COG7: variants seen among roughly 807,000 people sequenced by gnomAD.
COG7 encodes conserved oligomeric Golgi complex subunit 7.
A neutral mutation model predicts 91.5 loss-of-function variants in COG7; 49 were observed. The observed-to-expected ratio is 0.54, with a 90% CI of 0.43 to 0.68. The LOEUF is 0.68. Ranked by LOEUF, COG7 falls within the 30% of genes least tolerant of loss-of-function variation. The pLI, the probability that COG7 is intolerant of heterozygous loss-of-function variation, is 0.00. For synonymous variants in COG7, 365 were observed against 388.7 expected (o/e 0.94, Z 0.72); for missense variants, 895 against 961.3 (o/e 0.93, Z 0.91).
intron 6 of COG7, among the ~76,000 whole-genome samples, chr16:23,426,818 CAAAAAAAAAA>C (rs1176659874): frequency 1.7e-5 from 1 of 60,354 alleles, no homozygotes; most frequent in Non-Finnish European, 3.3e-5. Flanking sequence ...AGCAATTGGA[CAAAAAAAAAA>C]AAAAAAAAAG....
At chr16:23,434,601 C>G in intron 5 of COG7, 35 bp downstream of exon 5, 2 of 1,478,986 alleles carry the variant, frequency 1.4e-6, no homozygotes, top group Non-Finnish European at 1.9e-6. Context: ...GAGCATTCCA[C>G]AACTGCACAA....
At chr16:23,403,154 C>T (rs1425498779) in intron 13 of COG7, among the ~76,000 whole-genome samples, 1 of 152,006 alleles carries the variant, frequency 6.6e-6, no homozygotes, top group Non-Finnish European at 1.5e-5. Context: ...ATTCGGACAA[C>T]CAGAAAAGAG....
At chr16:23,410,159 A>T in intron 11 of COG7, 136 bp downstream of exon 11, 1 of 725,778 alleles carries the variant, frequency 1.4e-6, no homozygotes, top group South Asian at 1.5e-5. Flanking sequence ...GACACGCTGT[A>T]TCTAGGTACA....
intron 9 of COG7, 23 bp downstream of exon 9, chr16:23,416,944 G>A (rs777538669): frequency 6.2e-7 from 1 of 1,614,048 alleles, no homozygotes; most frequent in African/African-American, 1.3e-5. Flanking sequence ...TGGCCCGTCT[G>A]GTCCCCAGTT....
intron 4 of COG7, among the ~76,000 whole-genome samples, chr16:23,437,235 C>A (rs1296858346): frequency 6.6e-6 from 1 of 152,152 alleles, no homozygotes; most frequent in East Asian, 1.9e-4. Flanking sequence ...TGCTGAACCA[C>A]CAGGCATCAC....
intron 16 of COG7, among the ~76,000 whole-genome samples, chr16:23,390,508 C>T (rs576547694): frequency 3.3e-5 from 5 of 151,516 alleles, no homozygotes; most frequent in Non-Finnish European, 4.4e-5. Flanking sequence ...TCAGTGCCCC[C>T]CCACCGGCTA....
chr16:23,449,737 T>C lies in COG7; in HGVS notation c.169+3089A>G, dbSNP rs971639960. ...TCGCACTCCATCCTGGGCAACAAGA[T>C]TGAAACTCCATCTCAAAAAAAAAAA... On this transcript the variant is annotated intron_variant, in intron 1 of 16. Coordinates refer to ENST00000307149, the MANE Select transcript of COG7 (RefSeq NM_153603.4). Among the ~76,000 whole-genome samples, 5 of 149,290 alleles carry C rather than the reference T, an allele frequency of 3.3e-5. 1 individual carries two copies.
chr16:23,396,197 C>T lies in COG7; in HGVS notation c.1887+1849G>A, dbSNP rs1021269980. Among the ~76,000 whole-genome samples the T allele has an allele frequency of 5.3e-5, 8 of 152,158 alleles. No homozygotes were observed. The East Asian group carries it at 1.3e-3, about 26-fold the overall frequency. On this transcript the variant is annotated intron_variant, in intron 14 of 16. Coordinates refer to ENST00000307149, the MANE Select transcript of COG7 (RefSeq NM_153603.4). ...TTCCTGGGTTCAGGTCATCAGCCTC[C>T]GTACAGCTCAGGAGGACAGCAGCAG...
rs111748027 is a variant in COG7 at position 23,408,080 on chromosome 16, G to A, written c.1476-1818C>T. On this transcript the variant is annotated intron_variant, in intron 11 of 16. Transcript: ENST00000307149. ...GTGGCACAGTGGGAAGGGAGGTAGG[G>A]GTGAGTAAAGTGGGAGACAGAGGTG... is the stretch of plus-strand genomic sequence containing the variant. Among the ~76,000 whole-genome samples the A allele has an allele frequency of 9.5e-3, 1,170 of 123,304 alleles. 20 individuals carry two copies. Among genetic ancestry groups the A allele is most frequent in the Middle Eastern group, 0.064 (17 of 264 alleles). 80.9% of individuals were successfully genotyped at this position (123,304 alleles called of 152,430 possible).
intron 6 of COG7, among the ~76,000 whole-genome samples, chr16:23,430,391 C>T (rs891281572): frequency 2.0e-5 from 3 of 150,216 alleles, no homozygotes; most frequent in Non-Finnish European, 4.4e-5. Context: ...ATCATGCCAC[C>T]GTACTCCAGT....
chr16:23,410,738 C>T (rs1392354354), intron 10 of COG7, among the ~76,000 whole-genome samples: 1 of 152,178 alleles, frequency 6.6e-6, no homozygotes, highest in Admixed American at 6.5e-5. Context: ...CTAAGTCTCG[C>T]TCTGTCACCC....
Position 23,392,359 on chromosome 16 carries a change from G to T in COG7, c.2146+21C>A, listed in dbSNP as rs776217196. ...GCAGGCAAGAGCTGTCCCTCCCACC[G>T]CCTGTCTTGTGGGGACCCACCGATG... is the stretch of plus-strand genomic sequence containing the variant. On this transcript the variant is annotated intron_variant, in intron 16 of 16. Coordinates refer to ENST00000307149, the MANE Select transcript of COG7 (RefSeq NM_153603.4). The T allele has an allele frequency of 6.8e-6, 11 of 1,613,828 alleles. No individual in the cohort carries two copies. In the East Asian group the frequency reaches 2.5e-4, roughly 36 times the overall value.
chr16:23,409,878 C>A (rs896519086), intron 11 of COG7, among the ~76,000 whole-genome samples: 1 of 152,156 alleles, frequency 6.6e-6, no homozygotes, highest in African/African-American at 2.4e-5. Flanking sequence ...AGGCAGGCTG[C>A]CTAAGTTCAC....
chr16:23,405,324 T>C (rs935906375), intron 12 of COG7, among the ~76,000 whole-genome samples: 2 of 152,074 alleles, frequency 1.3e-5, no homozygotes, highest in Non-Finnish European at 2.9e-5. Context: ...CCTCCTGGTA[T>C]CCTGGGTTGG....
In COG7 at chr16:23,409,065, G is replaced by A. The variant is rs28587587; in HGVS notation, c.1475+1230C>T. On this transcript the variant is annotated intron_variant, in intron 11 of 16. Transcript: ENST00000307149. The stretch of plus-strand genomic sequence containing the variant: ...CTGGAAGGCTGCACAGTGTGCATGC[G>A]TGTGTGTGTGTGTGTGTGTGTGTGC... 4.6e-3 allele frequency among the ~76,000 whole-genome samples: 548 copies of A among 117,942 alleles called. 1 individual carries two copies. The highest frequency in any genetic ancestry group is 6.4e-3 in the Non-Finnish European group (380 of 59,080). 77.4% of individuals were successfully genotyped at this position (117,942 alleles called of 152,430 possible).
At chr16:23,437,128 C>G (rs754271469) in intron 4 of COG7, among the ~76,000 whole-genome samples, 1 of 152,134 alleles carries the variant, frequency 6.6e-6, no homozygotes, top group Non-Finnish European at 1.5e-5. Context: ...GCGCCATTTT[C>G]GCCTTCTGAA....
chr16:23,449,435 A>C (rs936035699), intron 1 of COG7, among the ~76,000 whole-genome samples: 1 of 146,334 alleles, frequency 6.8e-6, no homozygotes, highest in Non-Finnish European at 1.5e-5. Flanking sequence ...ATAAAAAATA[A>C]ATAAAATAAA....
chr16:23,448,125 C>A (rs1418592735), intron 1 of COG7, among the ~76,000 whole-genome samples: 3 of 152,026 alleles, frequency 2.0e-5, no homozygotes, highest in Non-Finnish European at 4.4e-5. Context: ...CCTTCCTCAT[C>A]GCAGACTTGG....
intron 7 of COG7, among the ~76,000 whole-genome samples, chr16:23,423,163 C>T (rs1200507821): frequency 3.3e-5 from 5 of 149,904 alleles, no homozygotes; most frequent in South Asian, 4.2e-4. Context: ...GTCATGAGTT[C>T]GAGACCAGCC....
Sources: allele counts gnomAD v4.1 joint callset (sites outside exome capture counted in the v4.1 genomes callset), GRCh38; gene constraint gnomAD v4.1.1; transcripts MANE v1.5; gene names NCBI Gene and HGNC (gene_info 2026-07-23, HGNC 2026-07-21).